The following NCAPD2 variants were observed in gnomAD, a reference collection of about 807,000 sequenced individuals.
NCAPD2 encodes the protein condensin complex subunit 1.
In NCAPD2, 100 loss-of-function variants were observed where a neutral mutation model predicts 164.5. The ratio of observed to expected loss-of-function variants is 0.61; its 90% CI spans 0.52 to 0.72. The LOEUF (loss-of-function observed/expected upper bound fraction) is 0.72, where lower values mean the gene tolerates loss of function less well. NCAPD2 is among the 30% of genes least tolerant of loss of function. The probability of loss-of-function intolerance (pLI) is 0.00; values close to 1 mark genes in which losing one functional copy is unlikely to be tolerated. For missense variants in NCAPD2, 1,560 were observed against 1,749.2 expected, an observed-to-expected ratio of 0.89 and a Z score of 1.93; for synonymous variants, 585 against 642.6, an observed-to-expected ratio of 0.91 and a Z score of 1.36.
At chr12:6,518,517 T>TTTTTTTTTTTTTTTTG (rs1946231328) in intron 13 of NCAPD2, among the ~76,000 whole-genome samples, 2 of 113,072 alleles carry the variant, frequency 1.8e-5, no homozygotes, top group South Asian at 6.8e-4. Context: ...TTTTTTTTTT[T>TTTTTTTTTTTTTTTTG]TTTTTTTTTT....
At chr12:6,530,067 C>A in intron 29 of NCAPD2, 109 bp downstream of exon 29, 1 of 1,266,534 alleles carries the variant, frequency 7.9e-7, no homozygotes, top group Non-Finnish European at 1.1e-6. Flanking sequence ...TCCTCCTTAT[C>A]CCCAGCTGGG....
In NCAPD2 at chr12:6,528,826, C is replaced by T. The variant is rs1462430178; in HGVS notation, c.3447C>T (p.Ala1149=). 1 of 1,613,868 alleles carries T rather than the reference C, an allele frequency of 6.2e-7. No individual in the cohort carries two copies. Among genetic ancestry groups the T allele is most frequent in the South Asian group, 1.1e-5 (1 of 91,070 alleles). ...CCGAGCCTCAGATTGCTGCCCTGGCCAAGAACTTCTTCAATGAGCTCTCCC... is the reference window on the plus strand; with the variant it reads ...CCGAGCCTCAGATTGCTGCCCTGGCTAAGAACTTCTTCAATGAGCTCTCCC... ...IDPEPQIAAL[A]KNFFNELSHK... Residue 1149 remains alanine, a synonymous_variant, in exon 26 of 32, where the codon GCC becomes GCT. Transcript: ENST00000315579. The surrounding 1 kb of genome is among the most constrained non-coding windows in gnomAD (Gnocchi z 5.1).
rs1457721024 is a variant in NCAPD2 at position 6,517,377 on chromosome 12, A to G, written c.1198A>G (p.Thr400Ala). The change falls in exon 11 of 32, where the codon ACA becomes GCA. Residue 400 changes from threonine to alanine, a missense_variant. Physicochemically the swap from Thr to Ala is moderately conservative, Grantham distance 58. Transcript: ENST00000315579. Reference sequence around the variant, plus strand: ...CTACCCTACACAGGCTCTCCCCCTGACACGTTTCCAGGCAGTGGTGGCTTT... The same window carrying G: ...CTACCCTACACAGGCTCTCCCCCTGGCACGTTTCCAGGCAGTGGTGGCTTT... ...RIVQQKALPL[T>A]RFQAVVALAV... is the part of the protein sequence containing the mutation. The G allele has an allele frequency of 6.2e-7, 1 of 1,614,126 alleles. No homozygotes were observed. The highest frequency in any genetic ancestry group is 8.5e-7 in the Non-Finnish European group (1 of 1,179,986).
At position 6,514,289 on chromosome 12, in the gene NCAPD2, C is replaced by T. The variant is rs1253645098; in HGVS notation, c.612C>T (p.Arg204=). The part of the protein sequence containing the change: ...FVSLVTGCCY[R]LLENPTINHQ... Reference sequence around the variant, plus strand: ...GTTTGGTTACTGGCTGTTGCTACCGCCTTCTGGAGAATCCCACCATTAATC... The same window carrying T: ...GTTTGGTTACTGGCTGTTGCTACCGTCTTCTGGAGAATCCCACCATTAATC... Residue 204 remains arginine (R), a synonymous_variant, in exon 7 of 32, where the codon CGC becomes CGT. Transcript: ENST00000315579. The T allele has an allele frequency of 2.5e-6, 4 of 1,614,060 alleles. No individual in the cohort carries two copies. Among genetic ancestry groups the T allele is most frequent in the Non-Finnish European group, 3.4e-6 (4 of 1,180,036 alleles).
At position 6,530,680 on chromosome 12, in the gene NCAPD2, T is replaced by G. The variant is rs1946362608; in HGVS notation, c.3838-11T>G. 6.2e-7 allele frequency: 1 copy of G among 1,613,832 alleles called. No homozygotes were observed. ...TTCAGGCCTGCTCTGAATCTCCTTT[T>G]CTCCCTCCAGGCTATAATAGATGAA... On this transcript the variant is annotated splice_polypyrimidine_tract_variant and intron_variant, in intron 29 of 31. Transcript: ENST00000315579.
chr12:6,511,347 G>GT, intron 6 of NCAPD2, 95 bp downstream of exon 6: 1 of 1,389,942 alleles, frequency 7.2e-7, no homozygotes. Context: ...TTTTTTTTGT[G>GT]GGGGGACAGA....
Position 6,529,916 on chromosome 12 carries a change from A to AT in NCAPD2, c.3795_3796insT (p.Val1266CysfsTer12). On this transcript the variant is annotated frameshift_variant, in exon 29 of 32. Coordinates refer to ENST00000315579, the MANE Select transcript of NCAPD2 (RefSeq NM_014865.4). LOFTEE classifies it high-confidence loss of function. ...AGTCCATCTTCAGTGCTTTTTTGTC[A>AT]GTTGTAGGCAAGCTGCGACGTGGGG... 6.2e-7 allele frequency: 1 copy of AT among 1,614,160 alleles called. No individual in the cohort carries two copies. Among genetic ancestry groups the AT allele is most frequent in the Non-Finnish European group, 8.5e-7 (1 of 1,180,002 alleles).
In NCAPD2 at chr12:6,528,556, C is replaced by T; in HGVS notation, c.3300-123C>T. ...CACTCCAGCTTTCAACTCTAGACAGCTTTCTGACTGCTTCTGGAGTGGCAG... is the reference window on the plus strand; with the variant it reads ...CACTCCAGCTTTCAACTCTAGACAGTTTTCTGACTGCTTCTGGAGTGGCAG... On this transcript the variant is annotated intron_variant, in intron 25 of 31. Transcript: ENST00000315579. This position sits in a 1 kb window ranked among gnomAD's most constrained non-coding sequence, Gnocchi z 5.1. 7.9e-7 allele frequency: 1 copy of T among 1,265,880 alleles called. No homozygotes were observed. The highest frequency in any genetic ancestry group is 2.3e-5 in the East Asian group (1 of 42,722). 78.4% of individuals were successfully genotyped at this position (1,265,880 alleles called of 1,614,324 possible). A position where few individuals can be genotyped will look rare whatever the true frequency, so the allele number is the denominator to read the frequency against.
intron 2 of NCAPD2, among the ~76,000 whole-genome samples, chr12:6,504,200 T>TATATACACACATATATAC (rs1946072102): frequency 4.5e-5 from 1 of 22,438 alleles, no homozygotes; most frequent in African/African-American, 3.3e-4. Context: ...TATATATATA[T>TATATACACACATATATAC]ATATATATAT....
chr12:6,494,222 T>G (rs1475011179), intron 1 of NCAPD2, 68 bp downstream of exon 1: 1 of 152,204 alleles, frequency 6.6e-6, no homozygotes, highest in Non-Finnish European at 1.5e-5. Context: ...GACCCAGTCT[T>G]GGGCAAAATA....
In NCAPD2 at chr12:6,510,090, A is replaced by G. The variant is rs370628893; in HGVS notation, c.219A>G (p.Ile73Met). 1.2e-5 allele frequency: 19 copies of G among 1,613,098 alleles called. No individual in the cohort carries two copies. The highest frequency in any genetic ancestry group is 1.6e-5 in the Non-Finnish European group (19 of 1,179,114). ...TCCCTCATAGTCACTTTCGAAGTATAGATCCTGGCCTCAAAGAAGATACTC... is the reference window on the plus strand; with the variant it reads ...TCCCTCATAGTCACTTTCGAAGTATGGATCCTGGCCTCAAAGAAGATACTC... ...IYSILHHFRS[I>M]DPGLKEDTLQ... The change falls in exon 4 of 32, where the codon ATA (isoleucine) becomes ATG (methionine). Residue 73 changes from isoleucine (I) to methionine (M), a missense_variant. By Grantham distance (10) the Ile-to-Met change is conservative (BLOSUM62 1). Transcript: ENST00000315579.
rs189354024 is a variant in NCAPD2, at chr12:6,515,906, T to C, written c.988-922T>C. ...TATTTATTAGTAAGGATTAAAGACTTTGAGGCCAGGTGTGGTGGCTCACGC... is the reference window on the plus strand; with the variant it reads ...TATTTATTAGTAAGGATTAAAGACTCTGAGGCCAGGTGTGGTGGCTCACGC... On this transcript the variant is annotated intron_variant, in intron 9 of 31. Transcript: ENST00000315579. Among the ~76,000 whole-genome samples the C allele has an allele frequency of 1.2e-4, 19 of 152,160 alleles. No individual in the cohort carries two copies. The East Asian group carries it at 3.3e-3, about 26-fold the overall frequency.
chr12:6,530,188 GTTTT>G (rs1946358458), intron 29 of NCAPD2, among the ~76,000 whole-genome samples: 1 of 152,202 alleles, frequency 6.6e-6, no homozygotes, highest in African/African-American at 2.4e-5. Flanking sequence ...TTGTTTGTTT[GTTTT>G]TAATAGTTTT....
rs751045122 is a variant in NCAPD2 at position 6,514,906 on chromosome 12, C to G, written c.973C>G (p.His325Asp). Reference sequence around the variant, plus strand: ...GTCCAGCATGTGCATTTTGCTAGATCACCTGGATGGAGAAGTAGGTGGTCC... The same window carrying G: ...GTCCAGCATGTGCATTTTGCTAGATGACCTGGATGGAGAAGTAGGTGGTCC... ...LMSSMCILLDHLDGENYMMRN... is the reference protein window; with the variant it reads ...LMSSMCILLDDLDGENYMMRN... The change falls in exon 9 of 32, where the codon CAC (histidine) becomes GAC (aspartate). Residue 325 changes from histidine to aspartate, a missense_variant. His to Asp is a moderately conservative substitution (Grantham distance 81, BLOSUM62 -1). Transcript: ENST00000315579. 8 of 1,614,208 alleles carry G rather than the reference C, an allele frequency of 5.0e-6. No individual in the cohort carries two copies. Among genetic ancestry groups the G allele is most frequent in the Non-Finnish European group, 6.8e-6 (8 of 1,180,042 alleles).
chr12:6,508,802 A>G (rs539200624), intron 2 of NCAPD2, among the ~76,000 whole-genome samples: 1 of 152,362 alleles, frequency 6.6e-6, no homozygotes, highest in East Asian at 1.9e-4. Context: ...TAACATCAGC[A>G]GTAATAAGAC....
chr12:6,513,787 C>T (rs1422002249), intron 6 of NCAPD2, among the ~76,000 whole-genome samples: 3 of 138,772 alleles, frequency 2.2e-5, no homozygotes, highest in African/African-American at 8.3e-5. Context: ...ATGATATCAG[C>T]TCACTGCAAC....
At chr12:6,511,293 G>C in intron 6 of NCAPD2, 41 bp downstream of exon 6, 1 of 1,595,882 alleles carries the variant, frequency 6.3e-7, no homozygotes, top group South Asian at 1.1e-5. Flanking sequence ...TGAGCTGTGA[G>C]AGTGAGGCTC....
At chr12:6,522,797 A>C in intron 15 of NCAPD2, 31 bp from the exon 16 acceptor site, 1 of 1,608,924 alleles carries the variant, frequency 6.2e-7, no homozygotes, top group Non-Finnish European at 8.5e-7. Context: ...TTTGTGAAGT[A>C]GATAGGTGAC....
At chr12:6,504,379 T>A (rs764221603) in intron 2 of NCAPD2, among the ~76,000 whole-genome samples, 9 of 151,512 alleles carry the variant, frequency 5.9e-5, no homozygotes, top group Non-Finnish European at 1.0e-4. Context: ...ACAAGTAACA[T>A]AACAGTTTTT....
Sources: allele counts gnomAD v4.1 joint callset (sites outside exome capture counted in the v4.1 genomes callset), GRCh38; gene constraint gnomAD v4.1.1; non-coding constraint Gnocchi (gnomAD v3.1); transcripts MANE v1.5; gene names NCBI Gene and HGNC (gene_info 2026-07-23, HGNC 2026-07-21).